FAM47E: variants seen among roughly 807,000 people sequenced by gnomAD.
FAM47E encodes protein FAM47E.
A neutral mutation model predicts 41.6 loss-of-function variants in FAM47E; 32 were observed. The observed-to-expected ratio is 0.77, with a 90% confidence interval of 0.58 to 1.03. The LOEUF is 1.03. Ranked by LOEUF, FAM47E falls within the 50% of genes least tolerant of loss-of-function variation. The pLI, the probability that FAM47E is intolerant of heterozygous loss-of-function variation, is 0.00. For missense variants in FAM47E, 424 were observed against 485.4 expected (o/e 0.87, Z 1.19); for synonymous variants, 184 against 188.7 (o/e 0.98, Z 0.20).
intron 3 of FAM47E, among the ~76,000 whole-genome samples, chr4:76,265,307 C>T (rs1047522864): frequency 6.6e-6 from 1 of 152,142 alleles, no homozygotes; most frequent in African/African-American, 2.4e-5. Context: ...CTGTCCTGGT[C>T]CAGCCTTGCA....
At chr4:76,239,335 C>T (rs1227187253) in intron 2 of FAM47E, among the ~76,000 whole-genome samples, 2 of 152,182 alleles carry the variant, frequency 1.3e-5, no homozygotes, top group Non-Finnish European at 2.9e-5. Flanking sequence ...TGCCCTTTTA[C>T]ATTCCCACCA....
chr4:76,237,881 G>A (rs1188456439), intron 2 of FAM47E, among the ~76,000 whole-genome samples: 2 of 152,128 alleles, frequency 1.3e-5, no homozygotes, highest in Non-Finnish European at 2.9e-5. Flanking sequence ...AATCATTCCT[G>A]AGAAATCCAC....
intron 2 of FAM47E, among the ~76,000 whole-genome samples, chr4:76,226,969 G>T (rs1368541757): frequency 6.7e-6 from 1 of 149,838 alleles, no homozygotes; most frequent in Non-Finnish European, 1.5e-5. Flanking sequence ...TCATTTCAAA[G>T]AACCAAGTTT....
chr4:76,224,876 T>G (rs1185993391), intron 2 of FAM47E, among the ~76,000 whole-genome samples: 1 of 152,130 alleles, frequency 6.6e-6, no homozygotes, highest in Non-Finnish European at 1.5e-5. Context: ...CGGTATCCAA[T>G]GTGTAGTCTT....
At chr4:76,250,532 T>C (rs1733933293), upstream of FAM47E, among the ~76,000 whole-genome samples, 1 of 152,196 alleles carries the variant, frequency 6.6e-6, no homozygotes, top group African/African-American at 2.4e-5. Flanking sequence ...GATTATTTCT[T>C]TTGCTGTGTA....
intron 2 of FAM47E, among the ~76,000 whole-genome samples, chr4:76,237,185 G>A (rs533985681): frequency 7.9e-5 from 12 of 152,032 alleles, no homozygotes; most frequent in Admixed American, 2.6e-4. Context: ...GTGAGCCACC[G>A]CGCCTGGCCA....
upstream of FAM47E, among the ~76,000 whole-genome samples, chr4:76,249,164 G>T (rs1051280087): frequency 6.6e-6 from 1 of 152,006 alleles, no homozygotes; most frequent in African/African-American, 2.4e-5. Context: ...GGAGGTGGAG[G>T]TTGCAGTGAG....
chr4:76,239,545 A>G (rs951371642), intron 2 of FAM47E, among the ~76,000 whole-genome samples: 6 of 152,088 alleles, frequency 3.9e-5, no homozygotes, highest in African/African-American at 1.4e-4. Context: ...AGAAATGTCT[A>G]TTCAAGTCCT....
exon 1 of FAM47E, chr4:76,214,365 G>A (rs369710301): frequency 2.5e-5 from 11 of 447,316 alleles, no homozygotes; most frequent in African/African-American, 1.4e-4. Flanking sequence ...TAAGGGGCAT[G>A]TGCAAGAATG....
intron 2 of FAM47E, among the ~76,000 whole-genome samples, chr4:76,236,909 T>C (rs1034919743): frequency 9.9e-5 from 15 of 150,912 alleles, no homozygotes; most frequent in Middle Eastern, 3.4e-3. Flanking sequence ...TTTTTTTTTT[T>C]TTTTGAGATA....
chr4:76,264,044 C>T (rs1289219929), intron 3 of FAM47E, among the ~76,000 whole-genome samples: 7 of 152,300 alleles, frequency 4.6e-5, no homozygotes, highest in South Asian at 4.1e-4. Context: ...CCAGCGACGA[C>T]GCAGACACAG....
rs775026509 is a variant in FAM47E, at chr4:76,278,168, C to T, written c.970C>T (p.Pro324Ser). The stretch of plus-strand genomic sequence containing the variant: ...AAGAGTAGACGAGCCTCTGGTTGAC[C>T]CTGAGGTCTCACATAAGGCTCAAGA... ...KQRVDEPLVD[P>S]EVSHKAQEEN... The change falls in exon 6 of 8, where the codon CCT becomes TCT. Residue 324 changes from proline to serine, a missense_variant. Transcript: ENST00000424749. The T allele has an allele frequency of 7.5e-5, 116 of 1,550,482 alleles. 1 individual carries two copies. In the Middle Eastern group the frequency reaches 2.0e-3, roughly 27 times the overall value.
exon 1 of FAM47E, chr4:76,214,392 G>T (rs948756040): frequency 6.9e-6 from 3 of 433,166 alleles, no homozygotes; most frequent in Non-Finnish European, 1.4e-5. Context: ...GTGCAAAAAA[G>T]GGAGGAGGAG....
chr4:76,247,254 T>C (rs1427610000), upstream of FAM47E, among the ~76,000 whole-genome samples: 2 of 152,192 alleles, frequency 1.3e-5, no homozygotes, highest in African/African-American at 4.8e-5. Flanking sequence ...TCAGGGTTAA[T>C]CCATGTTATA....
rs1377754226 is a variant in FAM47E at position 76,280,463 on chromosome 4, G to A, written c.1104+122G>A. ...TCTCTTACAGGCACATACCAAGACA[G>A]GCCCCTGGAAGAAAGGGCATGCTTC... On this transcript the variant is annotated intron_variant, in intron 7 of 7. Transcript: ENST00000424749. 7 of 535,088 alleles carry A rather than the reference G, an allele frequency of 1.3e-5. No individual in the cohort carries two copies. In the Admixed American group the frequency reaches 2.5e-4, roughly 19 times the overall value. 33.1% of individuals were successfully genotyped at this position (535,088 alleles called of 1,614,324 possible).
chr4:76,278,444 C>G (rs1043354455), intron 6 of FAM47E: 1 of 454,026 alleles, frequency 2.2e-6, no homozygotes, highest in African/African-American at 2.0e-5. Context: ...CATGACATCT[C>G]TAAAGATTGG....
chr4:76,251,661 T>C, upstream of FAM47E: 7 of 1,358,726 alleles, frequency 5.2e-6, no homozygotes, highest in South Asian at 1.2e-4. Flanking sequence ...CCGGCAGCGG[T>C]GGTTGTGCGG....
intron 1 of FAM47E, among the ~76,000 whole-genome samples, chr4:76,253,548 C>T (rs1734060897): frequency 6.6e-6 from 1 of 152,046 alleles, no homozygotes; most frequent in South Asian, 2.1e-4. Flanking sequence ...GAATGGTAAG[C>T]TTATTAACTA....
At chr4:76,216,997 C>T (rs1436374927) in intron 1 of FAM47E, among the ~76,000 whole-genome samples, 1 of 152,240 alleles carries the variant, frequency 6.6e-6, no homozygotes, top group East Asian at 1.9e-4. Flanking sequence ...TCTCTACCCA[C>T]AGCTATGTTC....
Sources: gnomAD v4.1 joint callset for allele counts (sites outside exome capture counted in the v4.1 genomes callset) on GRCh38, gnomAD v4.1.1 for gene constraint, MANE v1.5 for transcripts, NCBI Gene and HGNC (gene_info 2026-07-23, HGNC 2026-07-21) for gene names.